TAOK3: variants seen among roughly 807,000 people sequenced by gnomAD.
TAOK3 encodes serine/threonine-protein kinase TAO3.
Under a neutral mutation model 120.4 loss-of-function variants are expected in TAOK3, and 40 were observed. The ratio of observed to expected loss-of-function variants is 0.33; its 90% CI spans 0.26 to 0.43. The LOEUF is 0.43. Among genes scored for constraint, TAOK3 ranks in the 20% least tolerant of loss-of-function variants. The probability of loss-of-function intolerance (pLI) is 1.00; values close to 1 mark genes in which losing one functional copy is unlikely to be tolerated. For missense variants in TAOK3, 821 were observed against 1,112.1 expected, an observed-to-expected ratio of 0.74 and a Z score of 3.72; for synonymous variants, 355 against 387.5, an observed-to-expected ratio of 0.92 and a Z score of 0.99.
intron 2 of TAOK3, 113 bp downstream of exon 2, chr12:118,266,542 A>C (rs2041458547): frequency 2.6e-6 from 1 of 387,728 alleles, no homozygotes; most frequent in Admixed American, 4.4e-5. Flanking sequence ...AATTTTATTA[A>C]TATTTTTACT....
chr12:118,345,795 C>T (rs893076785), intron 1 of TAOK3, among the ~76,000 whole-genome samples: 1 of 150,790 alleles, frequency 6.6e-6, no homozygotes, highest in African/African-American at 2.4e-5. Context: ...GTATTGGGGA[C>T]AGAGATATTG....
Position 118,150,871 on chromosome 12 carries a change from T to C in TAOK3, c.*126A>G. ...AGGCACTAGTCCGACACGATGTCAGTAAGAGTAAGAGAGAGAGAGAGTGAG... is the reference window on the plus strand; with the variant it reads ...AGGCACTAGTCCGACACGATGTCAGCAAGAGTAAGAGAGAGAGAGAGTGAG... On this transcript the variant is annotated 3_prime_UTR_variant, in exon 21 of 21. Coordinates refer to ENST00000392533, the MANE Select transcript of TAOK3 (RefSeq NM_016281.4). The C allele has an allele frequency of 9.8e-7, 1 of 1,018,244 alleles. No individual in the cohort carries two copies. The allele number at this position is 1,018,244 out of a possible 1,614,324, so 63.1% of individuals were successfully genotyped here. A position where few individuals can be genotyped will look rare whatever the true frequency, so the allele number is the denominator to read the frequency against.
intron 3 of TAOK3, among the ~76,000 whole-genome samples, chr12:118,254,869 T>C (rs1416934495): frequency 1.3e-5 from 2 of 152,152 alleles, no homozygotes; most frequent in Non-Finnish European, 2.9e-5. Flanking sequence ...GCCATTCTCC[T>C]GCCTCAGCCT....
At chr12:118,156,743 G>C (rs1566227592) in intron 19 of TAOK3, among the ~76,000 whole-genome samples, 1 of 145,916 alleles carries the variant, frequency 6.9e-6, no homozygotes. Flanking sequence ...CTTTATTTTT[G>C]TTTTTTTTTT....
chr12:118,292,657 A>G (rs1476775520), intron 1 of TAOK3, among the ~76,000 whole-genome samples: 1 of 152,216 alleles, frequency 6.6e-6, no homozygotes, highest in Non-Finnish European at 1.5e-5. Context: ...TTTAACAACT[A>G]TGGTATAGCT....
At chr12:118,209,941 A>T (rs2038539124) in intron 11 of TAOK3, among the ~76,000 whole-genome samples, 1 of 152,078 alleles carries the variant, frequency 6.6e-6, no homozygotes, top group African/African-American at 2.4e-5. Flanking sequence ...GGTTCAAGTG[A>T]TCTGCCTGCC....
rs1268578131 is a variant in TAOK3, at chr12:118,199,108, G to T, written c.1137C>A (p.Val379=). 6.2e-7 allele frequency: 1 copy of T among 1,614,136 alleles called. No homozygotes were observed. The highest frequency in any genetic ancestry group is 8.5e-7 in the Non-Finnish European group (1 of 1,180,024). Residue 379 remains valine, a synonymous_variant, in exon 13 of 21, where the codon GTC becomes GTA. Coordinates refer to ENST00000392533, the MANE Select transcript of TAOK3 (RefSeq NM_016281.4). ...EVMDESSSEL[V]MMHDDESTIN... is the part of the protein sequence containing the mutation. ...TTGTGCTTTCGTCATCGTGCATCAT[G>T]ACAAGTTCGGAACTGCTCTCGTCCA...
chr12:118,215,036 C>A (rs1448792883), intron 9 of TAOK3, among the ~76,000 whole-genome samples: 2 of 151,382 alleles, frequency 1.3e-5, no homozygotes, highest in African/African-American at 2.4e-5. Context: ...TGCGCCACTG[C>A]GCCCGGCCTA....
At chr12:118,228,782 C>T (rs143526396) in intron 9 of TAOK3, among the ~76,000 whole-genome samples, 239 of 152,252 alleles carry the variant, frequency 1.6e-3, no homozygotes, top group Non-Finnish European at 2.2e-3. Flanking sequence ...ATTTATTATT[C>T]GAGGACTTGA....
intron 1 of TAOK3, among the ~76,000 whole-genome samples, chr12:118,362,853 A>G (rs1026139160): frequency 1.3e-5 from 2 of 152,080 alleles, no homozygotes; most frequent in Non-Finnish European, 2.9e-5. Context: ...CCCCGTCTCT[A>G]CTAAAAACAC....
At position 118,235,628 on chromosome 12, in the gene TAOK3, C is replaced by T; in HGVS notation, c.481G>A (p.Val161Ile). The T allele has an allele frequency of 2.5e-6, 4 of 1,613,658 alleles. No individual in the cohort carries two copies. The highest frequency in any genetic ancestry group is 3.4e-6 in the Non-Finnish European group (4 of 1,179,858). The change falls in exon 8 of 21, where the codon GTA becomes ATA. Residue 161 changes from valine to isoleucine, a missense_variant. Physicochemically the swap from Val to Ile is conservative, Grantham distance 29. This residue lies in a region of TAOK3 where 467 missense variants were observed against 540.0 expected (regional missense o/e 0.86). Transcript: ENST00000392533. ...GNILLTEPGQ[V>I]KLADFGSASM... The stretch of plus-strand genomic sequence containing the variant: ...GCAGATCCAAAATCAGCTAGTTTTA[C>T]CTGACCTGGCTCTGTTAGAAGAATA...
intron 1 of TAOK3, among the ~76,000 whole-genome samples, chr12:118,358,603 A>G (rs1038137356): frequency 6.6e-6 from 1 of 152,094 alleles, no homozygotes; most frequent in African/African-American, 2.4e-5. Context: ...TATTTAAAAG[A>G]CTCTTCCGAC....
intron 16 of TAOK3, among the ~76,000 whole-genome samples, chr12:118,174,201 A>C (rs746799844): frequency 7.2e-5 from 11 of 152,236 alleles, no homozygotes; most frequent in Non-Finnish European, 1.3e-4. Flanking sequence ...TTATCTATCA[A>C]AAGTGGTGAT....
chr12:118,247,609 G>A (rs1448571518), intron 3 of TAOK3, among the ~76,000 whole-genome samples: 2 of 151,954 alleles, frequency 1.3e-5, no homozygotes, highest in Non-Finnish European at 2.9e-5. Context: ...CTGCCTCCCA[G>A]GCTCAAGTGA....
intron 13 of TAOK3, among the ~76,000 whole-genome samples, chr12:118,197,077 A>G (rs2037765985): frequency 6.6e-6 from 1 of 152,212 alleles, no homozygotes; most frequent in African/African-American, 2.4e-5. Context: ...GTTTTTAAAG[A>G]TAACATATTT....
intron 1 of TAOK3, among the ~76,000 whole-genome samples, chr12:118,277,168 T>C (rs944621702): frequency 6.6e-6 from 1 of 152,236 alleles, no homozygotes; most frequent in Non-Finnish European, 1.5e-5. Flanking sequence ...CCCATTCTAC[T>C]GTGTTTCTTA....
rs201481032 is a variant in TAOK3 at position 118,150,956 on chromosome 12, C to CTTTTTTT, written c.*34_*40dup. On this transcript the variant is annotated 3_prime_UTR_variant, in exon 21 of 21. Coordinates refer to ENST00000392533, the MANE Select transcript of TAOK3 (RefSeq NM_016281.4). ...CAGGGTCTGAATTTTTTTCTGTTTT[C>CTTTTTTT]TTTTTTTTTTTTTTTTTTGTAAATG... The CTTTTTTT allele has an allele frequency of 3.3e-4, 417 of 1,255,726 alleles. 1 individual carries two copies. Among genetic ancestry groups the CTTTTTTT allele is most frequent in the South Asian group, 1.2e-3 (72 of 62,014 alleles). The allele number at this position is 1,255,726 out of a possible 1,614,324, so 77.8% of individuals were successfully genotyped here. A position where few individuals can be genotyped will look rare whatever the true frequency, so the allele number is the denominator to read the frequency against.
intron 1 of TAOK3, among the ~76,000 whole-genome samples, chr12:118,276,388 G>A (rs950110725): frequency 6.6e-6 from 1 of 152,194 alleles, no homozygotes; most frequent in Non-Finnish European, 1.5e-5. Context: ...GCTACCAAAA[G>A]ATGAAATTGC....
intron 1 of TAOK3, among the ~76,000 whole-genome samples, chr12:118,286,730 G>A (rs1566065385): frequency 6.6e-6 from 1 of 152,186 alleles, no homozygotes; most frequent in Non-Finnish European, 1.5e-5. Flanking sequence ...TATCTACCCA[G>A]AGGAAAAGAA....
Sources: allele counts gnomAD v4.1 joint callset (sites outside exome capture counted in the v4.1 genomes callset), GRCh38; gene constraint gnomAD v4.1.1; regional missense constraint gnomAD v4.1.1; transcripts MANE v1.5; gene names NCBI Gene and HGNC (gene_info 2026-07-23, HGNC 2026-07-21).